The following AGBL1 variants were observed in gnomAD, a reference collection of about 807,000 sequenced individuals.
The protein encoded by AGBL1 is AGBL carboxypeptidase 1.
In AGBL1, 130 loss-of-function variants were observed where a neutral mutation model predicts 118.9. That is an observed-to-expected ratio of 1.09 (90% CI 0.95 to 1.26). The LOEUF (loss-of-function observed/expected upper bound fraction) is 1.26. Among genes scored for constraint, AGBL1 ranks in the 50% most tolerant of loss-of-function variants. The pLI is 0.00. For synonymous variants in AGBL1, 555 were observed against 478.9 expected (o/e 1.16, Z -2.08); for missense variants, 1,584 against 1,298.1 (o/e 1.22, Z -3.38).
chr15:86,444,451 G>A (rs2082098551), intron 18 of AGBL1, among the ~76,000 whole-genome samples: 1 of 152,296 alleles, frequency 6.6e-6, no homozygotes, highest in South Asian at 2.1e-4. Flanking sequence ...TCTCAGAAGT[G>A]GAGAGTTCCT....
intron 15 of AGBL1, among the ~76,000 whole-genome samples, chr15:86,273,806 A>G (rs2079199647): frequency 6.6e-6 from 1 of 152,218 alleles, no homozygotes. Flanking sequence ...CTGTGGGGAC[A>G]ACTGTGAGCC....
At chr15:86,186,035 A>G (rs1395054537) in intron 5 of AGBL1, among the ~76,000 whole-genome samples, 1 of 152,192 alleles carries the variant, frequency 6.6e-6, no homozygotes, top group Non-Finnish European at 1.5e-5. Context: ...TTTCATCACT[A>G]GATCTGGTTT....
rs534177644 is a variant in AGBL1 at position 86,797,101 on chromosome 15, T to A, written c.3159-109986T>A. ...GTCTGTGAAGTGCCCATTAGAATTC[T>A]GACCTTGCAGGACCTCTGAAGATTA... is the stretch of plus-strand genomic sequence containing the variant. On this transcript the variant is annotated intron_variant, in intron 22 of 22. Transcript: ENST00000614907. Among the ~76,000 whole-genome samples, 4 of 152,378 alleles carry A rather than the reference T, an allele frequency of 2.6e-5. No homozygotes were observed. In the East Asian group the frequency reaches 5.8e-4, roughly 22 times the overall value.
chr15:86,307,241 C>A (rs974160200), intron 17 of AGBL1, among the ~76,000 whole-genome samples: 1 of 151,966 alleles, frequency 6.6e-6, no homozygotes, highest in East Asian at 1.9e-4. Flanking sequence ...TTTTTAAAAT[C>A]ATTTGTCTGG....
At chr15:86,561,485 A>G (rs980730293) in intron 21 of AGBL1, among the ~76,000 whole-genome samples, 1 of 152,116 alleles carries the variant, frequency 6.6e-6, no homozygotes, top group Non-Finnish European at 1.5e-5. Context: ...GTTATTTCGG[A>G]GGCCTCTGTG....
chr15:86,212,834 G>A (rs1054769131), intron 5 of AGBL1, among the ~76,000 whole-genome samples: 1 of 152,110 alleles, frequency 6.6e-6, no homozygotes, highest in Non-Finnish European at 1.5e-5. Context: ...ATTTTTAGTA[G>A]AGACAGGATT....
At chr15:86,226,938 A>G (rs925647778) in intron 6 of AGBL1, among the ~76,000 whole-genome samples, 2 of 152,214 alleles carry the variant, frequency 1.3e-5, no homozygotes, top group African/African-American at 4.8e-5. Context: ...GGAGAGAGTC[A>G]TCTGTATTGG....
chr15:86,221,592 G>A (rs2078281116), intron 5 of AGBL1, among the ~76,000 whole-genome samples: 1 of 152,202 alleles, frequency 6.6e-6, no homozygotes, highest in Non-Finnish European at 1.5e-5. Flanking sequence ...CAAAAATCAA[G>A]AGCCTCTTGG....
chr15:86,235,542 T>C (rs1336635661), intron 6 of AGBL1, among the ~76,000 whole-genome samples: 6 of 152,198 alleles, frequency 3.9e-5, no homozygotes, highest in Non-Finnish European at 8.8e-5. Context: ...ATATAAACAT[T>C]TCATGACTCA....
intron 18 of AGBL1, among the ~76,000 whole-genome samples, chr15:86,494,732 A>G (rs1026944708): frequency 5.3e-5 from 8 of 152,102 alleles, no homozygotes; most frequent in Non-Finnish European, 1.5e-5. Context: ...AGAAGATGTC[A>G]TCCTTTACTC....
intron 18 of AGBL1, among the ~76,000 whole-genome samples, chr15:86,481,776 G>C (rs2082654249): frequency 6.6e-6 from 1 of 152,032 alleles, no homozygotes; most frequent in African/African-American, 2.4e-5. Context: ...CTTAGAACTA[G>C]ACAGAACTTT....
chr15:86,784,393 T>A (rs1193036088), intron 22 of AGBL1, among the ~76,000 whole-genome samples: 1 of 152,214 alleles, frequency 6.6e-6, no homozygotes, highest in African/African-American at 2.4e-5. Context: ...CAACATTTAT[T>A]TCAGCTTGCC....
intron 16 of AGBL1, among the ~76,000 whole-genome samples, chr15:86,286,424 G>T (rs1196762315): frequency 2.7e-5 from 4 of 150,216 alleles, no homozygotes; most frequent in African/African-American, 7.3e-5. Context: ...TTGTCTAATT[G>T]AAATTTTGTA....
chr15:86,680,025 C>T, intron 22 of AGBL1, among the ~76,000 whole-genome samples: 1 of 152,180 alleles, frequency 6.6e-6, no homozygotes, highest in East Asian at 1.9e-4. Context: ...CTTTAAATTT[C>T]CTAGGTAGGA....
At chr15:86,096,925 G>T (rs959758226) in intron 1 of AGBL1, among the ~76,000 whole-genome samples, 5 of 152,078 alleles carry the variant, frequency 3.3e-5, no homozygotes, top group Admixed American at 3.3e-4. Context: ...ATGCTGACCA[G>T]GTATTAGCCC....
intron 5 of AGBL1, among the ~76,000 whole-genome samples, chr15:86,170,843 C>T (rs2077403975): frequency 6.7e-6 from 1 of 150,288 alleles, no homozygotes; most frequent in Non-Finnish European, 1.5e-5. Context: ...AAGACTCTGT[C>T]TCCACAAAAA....
intron 22 of AGBL1, among the ~76,000 whole-genome samples, chr15:86,755,628 C>T (rs549335120): frequency 3.3e-5 from 5 of 152,202 alleles, no homozygotes; most frequent in Middle Eastern, 3.4e-3. Flanking sequence ...TGCTCACTTG[C>T]CGCTCTATCT....
At chr15:86,500,160 G>C (rs979941938) in intron 18 of AGBL1, among the ~76,000 whole-genome samples, 2 of 151,872 alleles carry the variant, frequency 1.3e-5, no homozygotes, top group African/African-American at 4.8e-5. Context: ...GTTCATCACA[G>C]AGGTGGGACT....
At chr15:86,414,991 T>C (rs915421286) in intron 18 of AGBL1, among the ~76,000 whole-genome samples, 3 of 152,176 alleles carry the variant, frequency 2.0e-5, no homozygotes, top group African/African-American at 7.2e-5. Flanking sequence ...TGTGTTGAGT[T>C]CTTGGGAATA....
Sources: allele counts gnomAD v4.1 joint callset (sites outside exome capture counted in the v4.1 genomes callset), GRCh38; gene constraint gnomAD v4.1.1; transcripts MANE v1.5; gene names NCBI Gene and HGNC (gene_info 2026-07-23, HGNC 2026-07-21).